Variants in VGLL4 observed in about 807,000 individuals in gnomAD.
The protein encoded by VGLL4 is vestigial like family member 4.
Under a neutral mutation model 21.0 loss-of-function variants are expected in VGLL4, and 7 were observed. The ratio of observed to expected loss-of-function variants is 0.33; its 90% CI spans 0.19 to 0.63. The LOEUF (loss-of-function observed/expected upper bound fraction) is 0.63, where lower values mean the gene tolerates loss of function less well. Ranked by LOEUF, VGLL4 falls within the 20% of genes least tolerant of loss-of-function variation. VGLL4 has a pLI of 0.78. For synonymous variants in VGLL4, 222 were observed against 173.2 expected (o/e 1.28, Z -2.21); for missense variants, 394 against 425.7 (o/e 0.93, Z 0.66).
At chr3:11,602,447 GT>G (rs1048505108) in intron 1 of VGLL4, among the ~76,000 whole-genome samples, 12 of 148,102 alleles carry the variant, frequency 8.1e-5, no homozygotes, top group African/African-American at 2.5e-4. Flanking sequence ...TGCTTGTTCT[GT>G]TTTTTTTTTC....
intron 1 of VGLL4, chr3:11,611,823 G>C (rs1333407128): frequency 6.6e-6 from 1 of 151,848 alleles, no homozygotes; most frequent in Non-Finnish European, 1.5e-5. Context: ...CTAGCCAGAG[G>C]AACCTCGACC....
chr3:11,629,924 G>T (rs1400874417), intron 1 of VGLL4, among the ~76,000 whole-genome samples: 1 of 152,128 alleles, frequency 6.6e-6, no homozygotes, highest in East Asian at 1.9e-4. Flanking sequence ...CCAGTGGTTG[G>T]ATGAATCACT....
chr3:11,671,253 C>A (rs2076210918), intron 2 of VGLL4: 2 of 1,559,324 alleles, frequency 1.3e-6, no homozygotes, highest in African/African-American at 2.7e-5. Context: ...ATCAAAAGAA[C>A]ATTTTTACCA....
chr3:11,675,359 TAA>T lies in VGLL4; in HGVS notation c.64+27610_64+27611del, dbSNP rs1553742727. ...AGGCACTGTCTCAAAAAATAAAAAA[TAA>T]AAAAATAAAAAAATGTAACATAGGC... On this transcript the variant is annotated intron_variant, in intron 2 of 5. Coordinates refer to the VGLL4 transcript ENST00000273038. Among the ~76,000 whole-genome samples the T allele has an allele frequency of 2.0e-5, 3 of 150,668 alleles. No individual in the cohort carries two copies. The East Asian group carries it at 5.8e-4, about 29-fold the overall frequency.
intron 2 of VGLL4, among the ~76,000 whole-genome samples, chr3:11,599,084 GAAGT>G (rs779884568): frequency 3.3e-5 from 5 of 152,110 alleles, no homozygotes; most frequent in Non-Finnish European, 7.4e-5. Flanking sequence ...ACAACACGAA[GAAGT>G]AAGACAGGCA....
intron 1 of VGLL4, among the ~76,000 whole-genome samples, chr3:11,609,725 G>A (rs531265483): frequency 1.6e-4 from 25 of 152,218 alleles, no homozygotes; most frequent in Non-Finnish European, 2.6e-4. Context: ...CAGGCCCATC[G>A]CCAGACTGGG....
upstream of VGLL4, among the ~76,000 whole-genome samples, chr3:11,645,311 C>T (rs2075772260): frequency 6.6e-6 from 1 of 151,838 alleles, no homozygotes; most frequent in African/African-American, 2.4e-5. Flanking sequence ...CAGCAATAGG[C>T]CAGGCGCGGT....
At chr3:11,641,118 CAA>C (rs10547055) in intron 1 of VGLL4, among the ~76,000 whole-genome samples, 10,879 of 91,940 alleles carry the variant, frequency 0.12, 946 homozygotes, top group African/African-American at 0.31. Flanking sequence ...ACTTCATCAC[CAA>C]AAAAAAAAAA....
chr3:11,625,024 C>G (rs2075327474), intron 1 of VGLL4, among the ~76,000 whole-genome samples: 1 of 152,208 alleles, frequency 6.6e-6, no homozygotes, highest in Non-Finnish European at 1.5e-5. Context: ...TCAAACATCT[C>G]ATTTCACTTC....
At chr3:11,679,779 T>C (rs1158301984) in intron 2 of VGLL4, among the ~76,000 whole-genome samples, 1 of 152,198 alleles carries the variant, frequency 6.6e-6, no homozygotes, top group Non-Finnish European at 1.5e-5. Context: ...CTAAGTATTA[T>C]TATGAGTCAA....
intron 2 of VGLL4, among the ~76,000 whole-genome samples, chr3:11,582,700 G>A (rs187504207): frequency 3.3e-4 from 51 of 152,326 alleles, no homozygotes; most frequent in African/African-American, 1.1e-3. Context: ...ACACAGGAGA[G>A]GAAGGTTGCT....
At chr3:11,606,627 G>C (rs1306710056) in intron 1 of VGLL4, among the ~76,000 whole-genome samples, 1 of 152,148 alleles carries the variant, frequency 6.6e-6, no homozygotes, top group Non-Finnish European at 1.5e-5. Context: ...TCAGTGCTCT[G>C]TGGCTAGCTA....
At chr3:11,577,033 C>T (rs1352656411) in intron 2 of VGLL4, among the ~76,000 whole-genome samples, 2 of 152,162 alleles carry the variant, frequency 1.3e-5, no homozygotes, top group Non-Finnish European at 2.9e-5. Flanking sequence ...GAGAAACCAG[C>T]AGCAACAGGT....
chr3:11,564,660 G>GCATCCCTCACCACCTC, intron 3 of VGLL4, 137 bp downstream of exon 3: 1 of 833,096 alleles, frequency 1.2e-6, no homozygotes, highest in Admixed American at 2.8e-5. Context: ...GCGAAGGGTG[G>GCATCCCTCACCACCTC]CATCCCTCAC....
intron 1 of VGLL4, among the ~76,000 whole-genome samples, chr3:11,622,954 A>G (rs1250797876): frequency 1.3e-5 from 2 of 152,186 alleles, no homozygotes; most frequent in Non-Finnish European, 2.9e-5. Context: ...CCAGCTTGGA[A>G]TTACCCATTT....
At chr3:11,669,850 T>C (rs1297594362) in intron 2 of VGLL4, among the ~76,000 whole-genome samples, 1 of 152,182 alleles carries the variant, frequency 6.6e-6, no homozygotes, top group South Asian at 2.1e-4. Context: ...ACTGCTAATT[T>C]TTTAATTTTT....
rs1030720846 is a variant in VGLL4 at position 11,565,445 on chromosome 3, CCACAGCACTGCTCAGCCCATCTTCCT to C, written c.273-452_273-427del. 6.6e-6 allele frequency among the ~76,000 whole-genome samples: 1 copy of C among 152,312 alleles called. No individual in the cohort carries two copies. Among genetic ancestry groups the C allele is most frequent in the East Asian group, 1.9e-4 (1 of 5,182 alleles). On this transcript the variant is annotated intron_variant, in intron 2 of 4. Transcript: ENST00000430365. The surrounding 1 kb of genome is among the most constrained non-coding windows in gnomAD (Gnocchi z 4.1). ...ACATGCAGGGCCCTATTCAAAGCCT[CCACAGCACTGCTCAGCCCATCTTCCT>C]CACAGTACTGCTCAGCCCGTCTTCC...
intron 2 of VGLL4, among the ~76,000 whole-genome samples, chr3:11,695,908 T>C (rs918315572): frequency 2.6e-5 from 4 of 152,116 alleles, no homozygotes; most frequent in African/African-American, 9.7e-5. Flanking sequence ...TAATGAACAC[T>C]ACAGAAGAGC....
intron 2 of VGLL4, among the ~76,000 whole-genome samples, chr3:11,674,138 T>C (rs531362728): frequency 6.6e-6 from 1 of 151,126 alleles, no homozygotes; most frequent in South Asian, 2.1e-4. Context: ...CTGGGAATGC[T>C]ACACTCAATC....
Sources: gnomAD v4.1 joint callset for allele counts (sites outside exome capture counted in the v4.1 genomes callset) on GRCh38, gnomAD v4.1.1 for gene constraint, Gnocchi (gnomAD v3.1) non-coding constraint, MANE v1.5 for transcripts, NCBI Gene and HGNC (gene_info 2026-07-23, HGNC 2026-07-21) for gene names.